Variants in MAP4K3 observed in about 807,000 individuals in gnomAD.
MAP4K3 encodes MAPK/ERK kinase kinase kinase 3.
Under a neutral mutation model 143.5 loss-of-function variants are expected in MAP4K3, and 94 were observed. The observed-to-expected ratio is 0.65, with a 90% CI of 0.55 to 0.78. The LOEUF is 0.78. Ranked by LOEUF, MAP4K3 falls within the 30% of genes least tolerant of loss-of-function variation. MAP4K3 has a pLI of 0.00. For missense variants in MAP4K3, 1,077 were observed against 1,068.1 expected, an observed-to-expected ratio of 1.01 and a Z score of -0.12; for synonymous variants, 416 against 347.2, an observed-to-expected ratio of 1.20 and a Z score of -2.20.
chr2:39,262,759 T>C (rs1274248674), intron 28 of MAP4K3, among the ~76,000 whole-genome samples: 1 of 152,192 alleles, frequency 6.6e-6, no homozygotes, highest in Admixed American at 6.5e-5. Flanking sequence ...CTGCAATAGG[T>C]ACATCATGTT....
At chr2:39,373,829 G>C (rs1666147148) in intron 2 of MAP4K3, among the ~76,000 whole-genome samples, 3 of 152,156 alleles carry the variant, frequency 2.0e-5, no homozygotes, top group African/African-American at 4.8e-5. Context: ...AAGGGATTTG[G>C]AGATGGTTAA....
chr2:39,356,051 T>A, intron 3 of MAP4K3, 198 bp downstream of exon 3: 1 of 458,126 alleles, frequency 2.2e-6, no homozygotes. Context: ...ACATCTAGAA[T>A]TCCCAAGTCA....
intron 1 of MAP4K3, among the ~76,000 whole-genome samples, chr2:39,384,320 C>T (rs779721412): frequency 3.9e-5 from 6 of 152,158 alleles, no homozygotes; most frequent in African/African-American, 1.2e-4. Context: ...CCGAGGTAGG[C>T]GGATCACCTG....
At chr2:39,328,059 A>G (rs1406071908) in intron 8 of MAP4K3, among the ~76,000 whole-genome samples, 1 of 152,194 alleles carries the variant, frequency 6.6e-6, no homozygotes, top group African/African-American at 2.4e-5. Flanking sequence ...GGCCGGGAGC[A>G]GTGGCTCACG....
chr2:39,266,652 T>A (rs1369300646), intron 27 of MAP4K3, among the ~76,000 whole-genome samples: 1 of 152,178 alleles, frequency 6.6e-6, no homozygotes, highest in Non-Finnish European at 1.5e-5. Flanking sequence ...ACTATACTTG[T>A]GGTATAATGA....
intron 1 of MAP4K3, among the ~76,000 whole-genome samples, chr2:39,411,680 A>G (rs903949990): frequency 6.6e-6 from 1 of 152,226 alleles, no homozygotes; most frequent in Admixed American, 6.5e-5. Context: ...TGCATCAAGT[A>G]TCTGTCAAGT....
At chr2:39,349,035 T>A (rs547022048) in intron 3 of MAP4K3, among the ~76,000 whole-genome samples, 2 of 152,330 alleles carry the variant, frequency 1.3e-5, no homozygotes, top group South Asian at 4.1e-4. Flanking sequence ...GAAGTTGGCA[T>A]ACGGAGTCTT....
intron 8 of MAP4K3, among the ~76,000 whole-genome samples, chr2:39,330,892 G>A (rs773520059): frequency 2.6e-5 from 4 of 152,034 alleles, no homozygotes; most frequent in Non-Finnish European, 5.9e-5. Context: ...AAAGTACACT[G>A]GAAAGATAAG....
chr2:39,326,971 A>T (rs772831976), intron 8 of MAP4K3, among the ~76,000 whole-genome samples: 13 of 152,138 alleles, frequency 8.5e-5, no homozygotes, highest in Non-Finnish European at 1.8e-4. Context: ...TATAAATTTT[A>T]AAAAAGACTC....
chr2:39,275,814 C>T (rs1368191905), intron 24 of MAP4K3, among the ~76,000 whole-genome samples: 2 of 152,094 alleles, frequency 1.3e-5, no homozygotes, highest in Non-Finnish European at 2.9e-5. Context: ...ACTGTTTAGT[C>T]ATGAATAAAT....
chr2:39,382,546 G>C (rs1372862896), intron 1 of MAP4K3, among the ~76,000 whole-genome samples: 1 of 152,106 alleles, frequency 6.6e-6, no homozygotes, highest in Non-Finnish European at 1.5e-5. Flanking sequence ...TATTTCTAAG[G>C]TTCCTTCTAA....
chr2:39,416,004 T>TATATATATAAAA (rs1206690314), intron 1 of MAP4K3, among the ~76,000 whole-genome samples: 4 of 76,082 alleles, frequency 5.3e-5, no homozygotes. Flanking sequence ...TATATATATA[T>TATATATATAAAA]AAAAATAACA....
At chr2:39,345,012 T>C (rs919456180) in intron 3 of MAP4K3, among the ~76,000 whole-genome samples, 3 of 152,178 alleles carry the variant, frequency 2.0e-5, no homozygotes, top group African/African-American at 7.2e-5. Context: ...CTTGTGTCTC[T>C]TAAAATGTGG....
rs1427502900 is a variant in MAP4K3 at position 39,333,407 on chromosome 2, T to C, written c.457+125A>G. 6 of 699,120 alleles carry C rather than the reference T, an allele frequency of 8.6e-6. No individual in the cohort carries two copies. The South Asian group carries it at 9.6e-5, about 11-fold the overall frequency. 43.3% of individuals were successfully genotyped at this position (699,120 alleles called of 1,614,324 possible). ...GAGAGGTGACAGCATGGCAACGAGA[T>C]TTCCATCTAAAAATACACAGATGCC... On this transcript the variant is annotated intron_variant, in intron 7 of 33. Coordinates refer to ENST00000263881, the MANE Select transcript of MAP4K3 (RefSeq NM_003618.4).
At chr2:39,373,319 C>T (rs1404690462) in intron 2 of MAP4K3, among the ~76,000 whole-genome samples, 1 of 152,122 alleles carries the variant, frequency 6.6e-6, no homozygotes, top group African/African-American at 2.4e-5. Flanking sequence ...GAAAAGGGAA[C>T]CCTCCTACAC....
chr2:39,420,271 T>C (rs1406510456), intron 1 of MAP4K3, among the ~76,000 whole-genome samples: 1 of 152,238 alleles, frequency 6.6e-6, no homozygotes, highest in Admixed American at 6.5e-5. Flanking sequence ...ATTTAGTAAC[T>C]TATAATACTT....
Position 39,303,853 on chromosome 2 carries a change from C to G in MAP4K3, c.1120-4052G>C, listed in dbSNP as rs149482144. Among the ~76,000 whole-genome samples the G allele has an allele frequency of 2.5e-4, 38 of 152,278 alleles. 1 individual carries two copies. In the East Asian group the frequency reaches 6.2e-3, roughly 25 times the overall value. On this transcript the variant is annotated intron_variant, in intron 15 of 33. Transcript: ENST00000263881. ...CGCCGGGTCAACATAGTCTTTTATA[C>G]AGAATTAACTTTCAATTTTTTGTTT...
At chr2:39,436,402 G>C (rs923807846) in intron 1 of MAP4K3, among the ~76,000 whole-genome samples, 1 of 151,910 alleles carries the variant, frequency 6.6e-6, no homozygotes, top group Non-Finnish European at 1.5e-5. Flanking sequence ...GAGAGCTGTC[G>C]ATGGAAGATG....
intron 26 of MAP4K3, chr2:39,267,491 TA>T: frequency 2.7e-6 from 1 of 373,020 alleles, no homozygotes; most frequent in Non-Finnish European, 5.1e-6. Flanking sequence ...GCCAACATAA[TA>T]AAACCCCGTC....
Sources: gnomAD v4.1 joint callset for allele counts (sites outside exome capture counted in the v4.1 genomes callset) on GRCh38, gnomAD v4.1.1 for gene constraint, MANE v1.5 for transcripts, NCBI Gene and HGNC (gene_info 2026-07-23, HGNC 2026-07-21) for gene names.